The following MTF2 variants were observed in gnomAD, a reference collection of about 807,000 sequenced individuals.
The protein encoded by MTF2 is metal-response element-binding transcription factor 2.
MTF2 carries 11 observed loss-of-function variants against 79.5 expected under a neutral mutation model. The observed-to-expected ratio is 0.14, with a 90% CI of 0.09 to 0.23. The LOEUF (loss-of-function observed/expected upper bound fraction) is 0.23. Among genes scored for constraint, MTF2 ranks in the 10% least tolerant of loss-of-function variants. The pLI is 1.00. For missense variants in MTF2, 486 were observed against 711.2 expected (o/e 0.68, Z 3.60); for synonymous variants, 208 against 232.8 (o/e 0.89, Z 0.97).
intron 1 of MTF2, among the ~76,000 whole-genome samples, chr1:93,086,496 C>CAAAA (rs10648696): frequency 1.1e-4 from 11 of 97,754 alleles, no homozygotes; most frequent in East Asian, 5.9e-4. Flanking sequence ...GAGACTGTCT[C>CAAAA]AAAAAAAAAA....
intron 7 of MTF2, 94 bp from the exon 8 acceptor site, chr1:93,119,239 C>T: frequency 1.2e-6 from 1 of 815,884 alleles, no homozygotes; most frequent in Non-Finnish European, 2.0e-6. Flanking sequence ...TTTATATCAG[C>T]TGTAGGTTAT....
chr1:93,093,390 A>C (rs1333384685), intron 1 of MTF2, among the ~76,000 whole-genome samples: 1 of 152,090 alleles, frequency 6.6e-6, no homozygotes, highest in African/African-American at 2.4e-5. Flanking sequence ...CTGTCATCTA[A>C]TTTATCAGTG....
At chr1:93,120,805 A>C (rs1010405797) in intron 9 of MTF2, 133 bp downstream of exon 9, 3 of 1,442,322 alleles carry the variant, frequency 2.1e-6, no homozygotes, top group Non-Finnish European at 2.7e-6. Flanking sequence ...TTCTGGGGAC[A>C]AATAAGTTTG....
chr1:93,114,866 A>T, intron 4 of MTF2, 83 bp downstream of exon 4: 2 of 1,252,236 alleles, frequency 1.6e-6, no homozygotes, highest in South Asian at 2.8e-5. Flanking sequence ...TACATTGATA[A>T]TTTGAAATTA....
At chr1:93,129,554 T>A in intron 11 of MTF2, 106 bp downstream of exon 11, 23 of 730,196 alleles carry the variant, frequency 3.1e-5, no homozygotes, top group South Asian at 1.0e-4. Context: ...TGGCAGTTAC[T>A]CTGATTTTTT....
At position 93,127,488 on chromosome 1, in the gene MTF2, A is replaced by G. The variant is rs139584476; in HGVS notation, c.989+189A>G. Among the ~76,000 whole-genome samples the G allele has an allele frequency of 2.0e-5, 3 of 152,306 alleles. No individual in the cohort carries two copies. The East Asian group carries it at 5.8e-4, about 29-fold the overall frequency. On this transcript the variant is annotated intron_variant, in intron 10 of 14. Transcript: ENST00000370298. ...TCAAGGATTGGAGGAGGGAGGAGTA[A>G]TCCTTCTCCTGGGAATGGTGGGTGG... is the stretch of plus-strand genomic sequence containing the variant.
intron 1 of MTF2, among the ~76,000 whole-genome samples, chr1:93,108,165 T>G (rs925786609): frequency 2.0e-5 from 3 of 152,212 alleles, no homozygotes; most frequent in Non-Finnish European, 2.9e-5. Flanking sequence ...TTTCTATATA[T>G]TATGGGTCTA....
intron 3 of MTF2, among the ~76,000 whole-genome samples, chr1:93,113,926 T>G (rs903522283): frequency 1.3e-5 from 2 of 152,158 alleles, no homozygotes; most frequent in Non-Finnish European, 2.9e-5. Flanking sequence ...TGAATTTGAC[T>G]CTGCTGAAAC....
At chr1:93,122,288 A>G (rs1656514961) in intron 9 of MTF2, among the ~76,000 whole-genome samples, 1 of 152,142 alleles carries the variant, frequency 6.6e-6, no homozygotes, top group African/African-American at 2.4e-5. Context: ...CTGTTAGTAC[A>G]TTGTCTGCAT....
intron 11 of MTF2, among the ~76,000 whole-genome samples, chr1:93,132,530 C>T (rs1289590509): frequency 1.3e-5 from 2 of 152,110 alleles, no homozygotes; most frequent in Admixed American, 6.6e-5. Context: ...AGATTACTTT[C>T]TTTAGTCCAG....
At chr1:93,119,434 A>G (rs762156587) in intron 8 of MTF2, 33 bp downstream of exon 8, 3 of 1,506,848 alleles carry the variant, frequency 2.0e-6, no homozygotes, top group Non-Finnish European at 2.7e-6. Flanking sequence ...AAAGAAAGAA[A>G]AGCCATTTTC....
At chr1:93,131,309 T>C (rs1303203458) in intron 11 of MTF2, among the ~76,000 whole-genome samples, 1 of 152,138 alleles carries the variant, frequency 6.6e-6, no homozygotes, top group Non-Finnish European at 1.5e-5. Context: ...TGAATGCTAG[T>C]GAGAGGTAGA....
chr1:93,101,704 A>G (rs1208212263), intron 1 of MTF2, among the ~76,000 whole-genome samples: 9 of 150,044 alleles, frequency 6.0e-5, no homozygotes, highest in Non-Finnish European at 1.3e-4. Flanking sequence ...CAGCTTCCTA[A>G]GTAGCTGGGA....
At chr1:93,084,243 C>CT (rs1654741276) in intron 1 of MTF2, among the ~76,000 whole-genome samples, 1 of 152,086 alleles carries the variant, frequency 6.6e-6, no homozygotes, top group Admixed American at 6.6e-5. Context: ...TTAAAAAAAA[C>CT]TAATTCTTTC....
chr1:93,119,279 A>T, intron 7 of MTF2, 54 bp from the exon 8 acceptor site: 1 of 1,237,658 alleles, frequency 8.1e-7, no homozygotes, highest in Non-Finnish European at 1.1e-6. Flanking sequence ...TATAATTGTT[A>T]GTTTATCTCT....
At chr1:93,121,215 A>G in intron 9 of MTF2, 1 of 970,058 alleles carries the variant, frequency 1.0e-6, no homozygotes, top group Non-Finnish European at 1.2e-6. Context: ...AAGTGTAACT[A>G]CCTATGCTGG....
intron 9 of MTF2, among the ~76,000 whole-genome samples, chr1:93,124,519 T>A (rs1176318721): frequency 6.6e-6 from 1 of 152,022 alleles, no homozygotes. Flanking sequence ...GGAGTGCTAC[T>A]TCACTTCTGA....
At chr1:93,084,084 C>G (rs888921675) in intron 1 of MTF2, among the ~76,000 whole-genome samples, 1 of 150,456 alleles carries the variant, frequency 6.6e-6, no homozygotes, top group African/African-American at 2.4e-5. Flanking sequence ...TTTGCTTATG[C>G]TTTTGATGCC....
chr1:93,096,706 A>G (rs1655303583), intron 1 of MTF2, among the ~76,000 whole-genome samples: 1 of 150,944 alleles, frequency 6.6e-6, no homozygotes, highest in Non-Finnish European at 1.5e-5. Context: ...CAAGTTTTTA[A>G]TATGTGCTTT....
Sources: allele counts gnomAD v4.1 joint callset (sites outside exome capture counted in the v4.1 genomes callset), GRCh38; gene constraint gnomAD v4.1.1; transcripts MANE v1.5; gene names NCBI Gene and HGNC (gene_info 2026-07-23, HGNC 2026-07-21).